The following HERC1 variants were observed in gnomAD, a reference collection of about 807,000 sequenced individuals.
HERC1 encodes HECT and RLD domain containing E3 ubiquitin protein ligase family member 1.
Under a neutral mutation model 554.3 loss-of-function variants are expected in HERC1, and 160 were observed. That is an observed-to-expected ratio of 0.29 (90% CI 0.25 to 0.33). The LOEUF is 0.33. HERC1 is among the 10% of genes least tolerant of loss of function. The probability of loss-of-function intolerance (pLI) is 1.00; values close to 1 mark genes in which losing one functional copy is unlikely to be tolerated. For synonymous variants in HERC1, 2,175 were observed against 2,131.7 expected (o/e 1.02, Z -0.56); for missense variants, 4,919 against 5,918.5 (o/e 0.83, Z 5.54).
Position 63,816,057 on chromosome 15 carries a change from T to C in HERC1, c.-27+17770A>G, listed in dbSNP as rs1028304458. On this transcript the variant is annotated intron_variant, in intron 1 of 77. Transcript: ENST00000443617. ...CACGTAGGGATTATGGGAACTAAAA[T>C]TCAAGATAAGATTTGGGTGGGGACA... 2.7e-5 allele frequency among the ~76,000 whole-genome samples: 4 copies of C among 148,884 alleles called. No homozygotes were observed. The East Asian group carries it at 7.7e-4, about 29-fold the overall frequency.
chr15:63,833,691 G>T (rs2078237907), intron 1 of HERC1, 136 bp downstream of exon 1: 2 of 151,930 alleles, frequency 1.3e-5, no homozygotes. Context: ...GCCCCGCTCG[G>T]CTGCAGTCCC....
rs368472341 is a variant in HERC1, at chr15:63,616,495, C to A, written c.13876G>T (p.Val4626Leu). Residue 4626 changes from valine to leucine, a missense_variant, in exon 75 of 78, where the codon GTG becomes TTG. This residue lies in a region of HERC1 where 284 missense variants were observed against 294.1 expected (regional missense o/e 0.97). Coordinates refer to ENST00000443617, the MANE Select transcript of HERC1 (RefSeq NM_003922.4). Reference protein sequence around the residue: ...EDLEEVDLLYVQTLNSILHIE... With the variant: ...EDLEEVDLLYLQTLNSILHIE... ...TGAAGAATGCTGTTGAGAGTCTGCA[C>A]GTAGAGCAGATCCACCTCCTCCAGG... is the stretch of plus-strand genomic sequence containing the variant. 6.2e-7 allele frequency: 1 copy of A among 1,613,940 alleles called. No individual in the cohort carries two copies. The highest frequency in any genetic ancestry group is 2.2e-5 in the East Asian group (1 of 44,886).
intron 1 of HERC1, among the ~76,000 whole-genome samples, chr15:63,778,150 G>A (rs184798655): frequency 4.6e-4 from 70 of 152,288 alleles, no homozygotes; most frequent in African/African-American, 1.6e-3. Flanking sequence ...AAATAAAAAA[G>A]AGAAAAAGTC....
chr15:63,748,804 T>C (rs2075144900), intron 10 of HERC1, among the ~76,000 whole-genome samples: 1 of 152,176 alleles, frequency 6.6e-6, no homozygotes, highest in African/African-American at 2.4e-5. Flanking sequence ...TCTGAAAATA[T>C]CTGAAATAAC....
Position 63,754,664 on chromosome 15 carries a change from CACA to C in HERC1, c.1631-19_1631-17del, listed in dbSNP as rs748490282. On this transcript the variant is annotated splice_polypyrimidine_tract_variant and intron_variant, in intron 6 of 77. Coordinates refer to ENST00000443617, the MANE Select transcript of HERC1 (RefSeq NM_003922.4). ...TCACCATGACCTTGGATAAAACACA[CACA>C]ACAACAAAGAAACAACATTAACTCT... The C allele has an allele frequency of 1.2e-5, 20 of 1,606,514 alleles. No individual in the cohort carries two copies. The highest frequency in any genetic ancestry group is 5.3e-5 in the African/African-American group (4 of 74,796).
intron 1 of HERC1, among the ~76,000 whole-genome samples, chr15:63,804,859 G>A (rs952434913): frequency 6.6e-6 from 1 of 152,148 alleles, no homozygotes; most frequent in African/African-American, 2.4e-5. Flanking sequence ...TTAGTCAGTA[G>A]GGAAATGGAA....
intron 71 of HERC1, among the ~76,000 whole-genome samples, chr15:63,624,858 C>T (rs1162667952): frequency 2.0e-5 from 3 of 152,134 alleles, no homozygotes; most frequent in Non-Finnish European, 2.9e-5. Flanking sequence ...GAAGGATACA[C>T]ACATGTATGC....
At chr15:63,639,683 A>G (rs74672838) in intron 61 of HERC1, among the ~76,000 whole-genome samples, 1,871 of 152,330 alleles carry the variant, frequency 0.012, 38 homozygotes, top group African/African-American at 0.043. Context: ...TCTATGTCAC[A>G]GTTTCTAGAG....
intron 16 of HERC1, 144 bp downstream of exon 16, chr15:63,729,092 A>G: frequency 1.3e-6 from 1 of 784,072 alleles, no homozygotes; most frequent in Non-Finnish European, 2.0e-6. Flanking sequence ...ACTACCCCCA[A>G]ACCAAGACTA....
intron 70 of HERC1, among the ~76,000 whole-genome samples, chr15:63,627,520 T>C (rs1249803213): frequency 6.6e-6 from 1 of 151,714 alleles, no homozygotes; most frequent in Non-Finnish European, 1.5e-5. Context: ...CTAAAAATAT[T>C]AAAATGAGTT....
rs1380379160 is a variant in HERC1 at position 63,734,335 on chromosome 15, C to T, written c.2646+389G>A. Among the ~76,000 whole-genome samples, 1 of 152,068 alleles carries T rather than the reference C, an allele frequency of 6.6e-6. No individual in the cohort carries two copies. The highest frequency in any genetic ancestry group is 1.9e-4 in the East Asian group (1 of 5,190). Reference sequence around the variant, plus strand: ...ATAAAAATGGAAAGAAAAGTATACTCATATTATCAAATACTTTTTCCTAAT... The same window carrying T: ...ATAAAAATGGAAAGAAAAGTATACTTATATTATCAAATACTTTTTCCTAAT... On this transcript the variant is annotated intron_variant, in intron 13 of 77. Transcript: ENST00000443617. This position sits in a 1 kb window ranked among gnomAD's most constrained non-coding sequence, Gnocchi z 4.6.
At chr15:63,644,465 T>G (rs1005756639) in intron 57 of HERC1, among the ~76,000 whole-genome samples, 1 of 152,210 alleles carries the variant, frequency 6.6e-6, no homozygotes, top group Non-Finnish European at 1.5e-5. Context: ...GACAATCAGC[T>G]GTGTGCCTTT....
intron 65 of HERC1, 180 bp from the exon 66 acceptor site, chr15:63,635,068 GACAGTGTCTTGCTCTGTC>G (rs1439532972): frequency 2.3e-6 from 1 of 426,086 alleles, no homozygotes; most frequent in Non-Finnish European, 4.1e-6. Context: ...ATTTTAAAGA[GACAGTGTCTTGCTCTGTC>G]ACCTAGGCTG....
chr15:63,746,621 G>A (rs1243039936), intron 12 of HERC1, among the ~76,000 whole-genome samples: 1 of 151,968 alleles, frequency 6.6e-6, no homozygotes, highest in African/African-American at 2.4e-5. Context: ...TCATCTTCTG[G>A]TGAAAAAAGA....
chr15:63,636,933 G>T (rs1349706637), intron 64 of HERC1: 1 of 314,614 alleles, frequency 3.2e-6, no homozygotes, highest in Non-Finnish European at 6.3e-6. Context: ...ACAATGAAAA[G>T]AACCTGAGCT....
In HERC1 at chr15:63,639,494, C is replaced by T. The variant is rs1222607630; in HGVS notation, c.11901+658G>A. Among the ~76,000 whole-genome samples the T allele has an allele frequency of 5.3e-5, 8 of 152,324 alleles. No homozygotes were observed. In the East Asian group the frequency reaches 1.5e-3, roughly 29 times the overall value. ...GTCAAGATTGCCTAACAATGCATTT[C>T]TCAGAACATATCCCCATCATTAAGT... On this transcript the variant is annotated intron_variant, in intron 61 of 77. Transcript: ENST00000443617.
intron 21 of HERC1, among the ~76,000 whole-genome samples, chr15:63,717,016 C>G (rs1479473895): frequency 6.6e-6 from 1 of 152,158 alleles, no homozygotes; most frequent in Non-Finnish European, 1.5e-5. Context: ...TTCTACCTAG[C>G]AGTCATCTAG....
chr15:63,712,762 T>C lies in HERC1; in HGVS notation c.4584+13A>G. ...AACAAAAATCTTTCTTTACTGAATCTGGGTATACCTACCAGTGCGTAACCC... is the reference window on the plus strand; with the variant it reads ...AACAAAAATCTTTCTTTACTGAATCCGGGTATACCTACCAGTGCGTAACCC... On this transcript the variant is annotated intron_variant, in intron 24 of 77. Coordinates refer to ENST00000443617, the MANE Select transcript of HERC1 (RefSeq NM_003922.4). The C allele has an allele frequency of 1.2e-6, 2 of 1,608,076 alleles. No homozygotes were observed. Among genetic ancestry groups the C allele is most frequent in the South Asian group, 2.2e-5 (2 of 89,758 alleles).
At chr15:63,732,163 G>C (rs910529586) in intron 14 of HERC1, among the ~76,000 whole-genome samples, 1 of 152,062 alleles carries the variant, frequency 6.6e-6, no homozygotes, top group Admixed American at 6.6e-5. Context: ...GCCACGCCTG[G>C]CTAATTTTTG....
Sources: allele counts gnomAD v4.1 joint callset (sites outside exome capture counted in the v4.1 genomes callset), GRCh38; gene constraint gnomAD v4.1.1; regional missense constraint gnomAD v4.1.1; non-coding constraint Gnocchi (gnomAD v3.1); transcripts MANE v1.5; gene names NCBI Gene and HGNC (gene_info 2026-07-23, HGNC 2026-07-21).